The following FGGY variants were observed in gnomAD, a reference collection of about 807,000 sequenced individuals.
The protein encoded by FGGY is FGGY carbohydrate kinase domain-containing protein.
FGGY carries 72 observed loss-of-function variants against 71.3 expected under a neutral mutation model. The ratio of observed to expected loss-of-function variants is 1.01; its 90% CI spans 0.84 to 1.23. The LOEUF (loss-of-function observed/expected upper bound fraction) is 1.23, where lower values mean the gene tolerates loss of function less well. FGGY is among the 50% of genes most tolerant of loss of function. The probability of loss-of-function intolerance (pLI) is 0.00; values close to 1 mark genes in which losing one functional copy is unlikely to be tolerated. For missense variants in FGGY, 668 were observed against 682.3 expected (o/e 0.98, Z 0.23); for synonymous variants, 251 against 250.3 (o/e 1.00, Z -0.02).
intron 7 of FGGY, among the ~76,000 whole-genome samples, chr1:59,517,849 T>TGA (rs953030492): frequency 6.6e-6 from 1 of 152,160 alleles, no homozygotes; most frequent in African/African-American, 2.4e-5. Flanking sequence ...ATATTACAAC[T>TGA]GAGAGAGAGA....
intron 6 of FGGY, among the ~76,000 whole-genome samples, chr1:59,487,848 G>A (rs1398848872): frequency 1.4e-5 from 2 of 147,490 alleles, no homozygotes; most frequent in African/African-American, 5.1e-5. Context: ...CCAACTAACT[G>A]AGGCTCTTTC....
intron 6 of FGGY, among the ~76,000 whole-genome samples, chr1:59,464,195 C>T (rs766644193): frequency 6.6e-6 from 1 of 152,326 alleles, no homozygotes; most frequent in Middle Eastern, 3.4e-3. Flanking sequence ...CAAATTGGAA[C>T]TCAGGATTAA....
At position 59,535,901 on chromosome 1, in the gene FGGY, C is replaced by T. The variant is rs1346619278; in HGVS notation, c.800-18223C>T. 1.5e-3 allele frequency among the ~76,000 whole-genome samples: 225 copies of T among 146,630 alleles called. 12 individuals carry two copies. Among genetic ancestry groups the T allele is most frequent in the African/African-American group, 5.5e-3 (208 of 37,588 alleles). Reference sequence around the variant, plus strand: ...AGCAGGAAAGATCCAAAATTGACACCGTAACATCACAATTAAAAGAACTAG... The same window carrying T: ...AGCAGGAAAGATCCAAAATTGACACTGTAACATCACAATTAAAAGAACTAG... On this transcript the variant is annotated intron_variant, in intron 7 of 15. Transcript: ENST00000303721.
At chr1:59,364,479 G>T (rs921566887) in intron 4 of FGGY, among the ~76,000 whole-genome samples, 1 of 152,130 alleles carries the variant, frequency 6.6e-6, no homozygotes, top group African/African-American at 2.4e-5. Flanking sequence ...TTTTATTTCT[G>T]CAGACTTTAA....
chr1:59,684,115 T>C (rs984172284), intron 14 of FGGY, among the ~76,000 whole-genome samples: 1 of 152,150 alleles, frequency 6.6e-6, no homozygotes, highest in African/African-American at 2.4e-5. Context: ...CCTTAGACAG[T>C]AGCAGGGCAA....
intron 8 of FGGY, among the ~76,000 whole-genome samples, chr1:59,567,941 C>G (rs1217130915): frequency 6.6e-6 from 1 of 151,056 alleles, no homozygotes; most frequent in Non-Finnish European, 1.5e-5. Context: ...CCGTGCTATC[C>G]CTCACCATTC....
At chr1:59,674,670 C>G (rs1051044140) in intron 14 of FGGY, among the ~76,000 whole-genome samples, 3 of 152,132 alleles carry the variant, frequency 2.0e-5, no homozygotes, top group African/African-American at 7.2e-5. Flanking sequence ...AGCTTCCTGG[C>G]AGGCAAGACA....
At chr1:59,299,792 C>T (rs1020737714) in intron 1 of FGGY, among the ~76,000 whole-genome samples, 14 of 152,054 alleles carry the variant, frequency 9.2e-5, no homozygotes, top group Non-Finnish European at 1.9e-4. Context: ...AAACTAATTC[C>T]AATTGGCTAA....
intron 3 of FGGY, among the ~76,000 whole-genome samples, chr1:59,342,467 C>G (rs953890612): frequency 3.3e-5 from 5 of 152,100 alleles, no homozygotes; most frequent in South Asian, 2.1e-4. Context: ...GGTTATCACT[C>G]TAATTATAAG....
intron 8 of FGGY, among the ~76,000 whole-genome samples, chr1:59,568,464 C>CGGGGGGGGGGTG (rs56724590): frequency 1.7e-5 from 1 of 59,402 alleles, no homozygotes; most frequent in African/African-American, 5.9e-5. Flanking sequence ...GTCGGGGGGG[C>CGGGGGGGGGGTG]GGGGGGGGGT....
At chr1:59,591,211 G>A (rs1045378499) in intron 8 of FGGY, among the ~76,000 whole-genome samples, 5 of 152,048 alleles carry the variant, frequency 3.3e-5, no homozygotes, top group Admixed American at 6.6e-5. Context: ...AGAATAAAAT[G>A]GCTAGGAATC....
chr1:59,412,944 C>T (rs536395251), intron 5 of FGGY, among the ~76,000 whole-genome samples: 3 of 152,160 alleles, frequency 2.0e-5, no homozygotes, highest in Non-Finnish European at 4.4e-5. Flanking sequence ...GATCTATTCA[C>T]AGGAAAGAGG....
At chr1:59,697,391 TC>T (rs762406710) in intron 14 of FGGY, among the ~76,000 whole-genome samples, 3 of 152,180 alleles carry the variant, frequency 2.0e-5, no homozygotes, top group Non-Finnish European at 2.9e-5. Context: ...CATTCTACTT[TC>T]TGTCTCTGTG....
chr1:59,554,340 G>T, intron 8 of FGGY, 113 bp downstream of exon 8: 1 of 716,832 alleles, frequency 1.4e-6, no homozygotes, highest in Non-Finnish European at 2.2e-6. Flanking sequence ...TTCCCTGCCT[G>T]CCCCTTGTGC....
At chr1:59,597,507 A>T (rs1007679491) in intron 8 of FGGY, among the ~76,000 whole-genome samples, 4 of 152,038 alleles carry the variant, frequency 2.6e-5, no homozygotes, top group African/African-American at 4.8e-5. Context: ...CAAGTCTTTT[A>T]AAAAAAAGTT....
intron 4 of FGGY, among the ~76,000 whole-genome samples, chr1:59,370,027 G>T (rs11582745): frequency 0.042 from 6,350 of 152,288 alleles, 181 homozygotes; most frequent in Middle Eastern, 0.068. Flanking sequence ...CCAAAGGATC[G>T]CAGTTCCTCA....
At chr1:59,380,506 T>C (rs1194007859) in intron 5 of FGGY, among the ~76,000 whole-genome samples, 2 of 151,646 alleles carry the variant, frequency 1.3e-5, no homozygotes, top group Non-Finnish European at 2.9e-5. Flanking sequence ...TGTGAGATGA[T>C]ATCTCATTGT....
At chr1:59,466,994 A>G (rs181990852) in intron 6 of FGGY, among the ~76,000 whole-genome samples, 1 of 152,244 alleles carries the variant, frequency 6.6e-6, no homozygotes, top group East Asian at 1.9e-4. Flanking sequence ...CAGCGATTCC[A>G]TTACTGGGTA....
At chr1:59,665,169 G>A (rs759550174) in intron 12 of FGGY, among the ~76,000 whole-genome samples, 5 of 152,132 alleles carry the variant, frequency 3.3e-5, no homozygotes, top group Non-Finnish European at 1.5e-5. Context: ...TATTTTGTAT[G>A]TGACTTTTTT....
Sources: allele counts gnomAD v4.1 joint callset (sites outside exome capture counted in the v4.1 genomes callset), GRCh38; gene constraint gnomAD v4.1.1; transcripts MANE v1.5; gene names NCBI Gene and HGNC (gene_info 2026-07-23, HGNC 2026-07-21).